The following LIMS2 variants were observed in gnomAD, a reference collection of about 807,000 sequenced individuals.
The protein encoded by LIMS2 is LIM zinc finger domain containing 2.
In LIMS2, 30 loss-of-function variants were observed where a neutral mutation model predicts 45.3. That is an observed-to-expected ratio of 0.66 (90% confidence interval 0.50 to 0.90). The LOEUF is 0.90. Ranked by LOEUF, LIMS2 falls within the 40% of genes least tolerant of loss-of-function variation. The pLI is 0.00. For synonymous variants in LIMS2, 173 were observed against 188.0 expected (o/e 0.92, Z 0.65); for missense variants, 485 against 468.7 (o/e 1.03, Z -0.32).
intron 1 of LIMS2, among the ~76,000 whole-genome samples, chr2:127,669,432 G>A (rs1265559453): frequency 2.0e-5 from 3 of 152,142 alleles, no homozygotes; most frequent in Non-Finnish European, 4.4e-5. Context: ...TTTGTAAATC[G>A]GCTGGGCACG....
intron 4 of LIMS2, 133 bp from the exon 5 acceptor site, chr2:127,643,205 T>C (rs1682612666): frequency 3.0e-6 from 3 of 990,712 alleles, no homozygotes; most frequent in Admixed American, 2.5e-5. Context: ...GCCCAGGGTA[T>C]GGGAAAGCAG....
At chr2:127,661,240 T>C (rs1160345759) in intron 1 of LIMS2, among the ~76,000 whole-genome samples, 1 of 152,262 alleles carries the variant, frequency 6.6e-6, no homozygotes, top group Non-Finnish European at 1.5e-5. Context: ...TGCTCGCTTC[T>C]GTAGGCCTCA....
Position 127,659,840 on chromosome 2 carries a change from G to C in LIMS2, c.12-2278C>G, listed in dbSNP as rs1573823642. 2.0e-5 allele frequency among the ~76,000 whole-genome samples: 3 copies of C among 152,204 alleles called. No homozygotes were observed. The East Asian group carries it at 5.8e-4, about 29-fold the overall frequency. On this transcript the variant is annotated intron_variant, in intron 1 of 9. Coordinates refer to ENST00000355119, the MANE Select transcript of LIMS2 (RefSeq NM_001161403.3). ...CTGTTCTCTGCCTCCAGGAACTGCTGTTTAGGGCCTGCACCCACACGCCTG... is the reference window on the plus strand; with the variant it reads ...CTGTTCTCTGCCTCCAGGAACTGCTCTTTAGGGCCTGCACCCACACGCCTG...
chr2:127,668,163 T>G (rs961205143), intron 1 of LIMS2, among the ~76,000 whole-genome samples: 3 of 152,150 alleles, frequency 2.0e-5, no homozygotes, highest in Non-Finnish European at 2.9e-5. Context: ...ATTATTGATA[T>G]AAATTAAAGA....
chr2:127,647,937 C>T lies in LIMS2; in HGVS notation c.360-4865G>A. The T allele has an allele frequency of 1.2e-6, 1 of 819,966 alleles. No homozygotes were observed. Among genetic ancestry groups the T allele is most frequent in the Non-Finnish European group, 1.5e-6 (1 of 678,554 alleles). 50.8% of individuals were successfully genotyped at this position (819,966 alleles called of 1,614,324 possible). A position where few individuals can be genotyped will look rare whatever the true frequency, so the allele number is the denominator to read the frequency against. On this transcript the variant is annotated intron_variant, in intron 4 of 9. Transcript: ENST00000355119. This position sits in a 1 kb window ranked among gnomAD's most constrained non-coding sequence, Gnocchi z 4.3. ...CACAGGCCCTGTCAAGGGCTGTGTTCCTCCCTCCTTTTACCTCTCCTCCAC... is the reference window on the plus strand; with the variant it reads ...CACAGGCCCTGTCAAGGGCTGTGTTTCTCCCTCCTTTTACCTCTCCTCCAC...
Position 127,667,947 on chromosome 2 carries a change from C to CA in LIMS2, c.11+7066dup, listed in dbSNP as rs1305805878. Among the ~76,000 whole-genome samples, 1 of 151,928 alleles carries CA rather than the reference C, an allele frequency of 6.6e-6. No homozygotes were observed. The highest frequency in any genetic ancestry group is 1.5e-5 in the Non-Finnish European group (1 of 67,980). Reference sequence around the variant, plus strand: ...TAGAAAACTCGGAAGAATCCCTCCTCAAAAAAAGAAACCCTATTTACAGAT... The same window carrying CA: ...TAGAAAACTCGGAAGAATCCCTCCTCAAAAAAAAGAAACCCTATTTACAGAT... On this transcript the variant is annotated intron_variant, in intron 1 of 9. Coordinates refer to ENST00000355119, the MANE Select transcript of LIMS2 (RefSeq NM_001161403.3). The surrounding 1 kb of genome is among the most constrained non-coding windows in gnomAD (Gnocchi z 4.1).
At chr2:127,668,670 A>G (rs1685133144) in intron 1 of LIMS2, among the ~76,000 whole-genome samples, 1 of 58,076 alleles carries the variant, frequency 1.7e-5, no homozygotes, top group African/African-American at 8.5e-5. Flanking sequence ...CTCCGTCTCA[A>G]AAAAAAAAAA....
intron 4 of LIMS2, chr2:127,648,125 C>T: frequency 1.0e-6 from 1 of 985,492 alleles, no homozygotes; most frequent in South Asian, 4.7e-5. Flanking sequence ...CAGACCAAGT[C>T]AGAGTACTGT....
At chr2:127,679,962 ATG>A (rs922801815), upstream of LIMS2, among the ~76,000 whole-genome samples, 38 of 152,302 alleles carry the variant, frequency 2.5e-4, no homozygotes, top group African/African-American at 8.9e-4. This position sits in a 1 kb window ranked among gnomAD's most constrained non-coding sequence, Gnocchi z 5.3. Context: ...GCCCCGTGTG[ATG>A]TGAGGCCACC....
At chr2:127,659,667 G>A (rs568508430) in intron 1 of LIMS2, among the ~76,000 whole-genome samples, 263 of 152,324 alleles carry the variant, frequency 1.7e-3, no homozygotes, top group Non-Finnish European at 2.8e-3. Context: ...CCATGGCTCT[G>A]GGCCTGGAAT....
intron 1 of LIMS2, among the ~76,000 whole-genome samples, chr2:127,660,857 C>T (rs1684594262): frequency 6.8e-6 from 1 of 146,406 alleles, no homozygotes; most frequent in Admixed American, 7.3e-5. Flanking sequence ...CGGCTGGTCC[C>T]TGAATGCATC....
At chr2:127,674,679 G>T in intron 1 of LIMS2, 1 of 985,434 alleles carries the variant, frequency 1.0e-6, no homozygotes, top group Non-Finnish European at 1.2e-6. Flanking sequence ...CGCAACCTTT[G>T]AACCTTTTGC....
At position 127,644,777 on chromosome 2, in the gene LIMS2, T is replaced by A. The variant is rs560893925; in HGVS notation, c.360-1705A>T. 9.2e-5 allele frequency among the ~76,000 whole-genome samples: 14 copies of A among 152,022 alleles called. No individual in the cohort carries two copies. The South Asian group carries it at 2.9e-3, about 32-fold the overall frequency. ...GAGCCCAGAAATGCCCTGCTCAGGG[T>A]GGTTAGCTTCAAGCCACCACCTTTC... On this transcript the variant is annotated intron_variant, in intron 4 of 9. Transcript: ENST00000355119.
At position 127,642,794 on chromosome 2, in the gene LIMS2, C is replaced by T; in HGVS notation, c.509+129G>A. On this transcript the variant is annotated intron_variant, in intron 5 of 9. Coordinates refer to ENST00000355119, the MANE Select transcript of LIMS2 (RefSeq NM_001161403.3). This position sits in a 1 kb window ranked among gnomAD's most constrained non-coding sequence, Gnocchi z 5.3. The stretch of plus-strand genomic sequence containing the variant: ...TGCCCTGCAGCCTTGCTCTCGGGAC[C>T]CCTCTGTCTGCCCACCCTGCTCCCC... 1 of 1,046,196 alleles carries T rather than the reference C, an allele frequency of 9.6e-7. No homozygotes were observed. The allele number at this position is 1,046,196 out of a possible 1,614,324, so 64.8% of individuals were successfully genotyped here. A position where few individuals can be genotyped will look rare whatever the true frequency, so the allele number is the denominator to read the frequency against.
intron 1 of LIMS2, among the ~76,000 whole-genome samples, chr2:127,666,755 A>G (rs10189694): frequency 0.055 from 8,330 of 152,314 alleles, 345 homozygotes; most frequent in African/African-American, 0.1. Context: ...TCGTGGCAGA[A>G]GGCAAAGGGG....
chr2:127,649,600 G>A (rs11680470), intron 4 of LIMS2, among the ~76,000 whole-genome samples: 53,040 of 152,204 alleles, frequency 0.35, 9,801 homozygotes, highest in Non-Finnish European at 0.41. Context: ...ACTGCCACTC[G>A]CAGGCCTGGG....
chr2:127,679,952 G>A (rs72846214), upstream of LIMS2, among the ~76,000 whole-genome samples: 2,166 of 152,316 alleles, frequency 0.014, 26 homozygotes, highest in Middle Eastern at 0.082. This position sits in a 1 kb window ranked among gnomAD's most constrained non-coding sequence, Gnocchi z 5.3. Context: ...TCCAAGAATG[G>A]CCCCGTGTGA....
In LIMS2 at chr2:127,672,345, G is replaced by A. The variant is rs140205035; in HGVS notation, c.11+2669C>T. On this transcript the variant is annotated intron_variant, in intron 1 of 9. Transcript: ENST00000355119. This position sits in a 1 kb window ranked among gnomAD's most constrained non-coding sequence, Gnocchi z 4.9. Reference sequence around the variant, plus strand: ...GAGGCCGAGCCCCCTCTCTTCCCACGGCGTGCCACCCCATGCTCTGGGCTG... The same window carrying A: ...GAGGCCGAGCCCCCTCTCTTCCCACAGCGTGCCACCCCATGCTCTGGGCTG... Among the ~76,000 whole-genome samples, 5 of 152,184 alleles carry A rather than the reference G, an allele frequency of 3.3e-5. No homozygotes were observed. The highest frequency in any genetic ancestry group is 4.8e-5 in the African/African-American group (2 of 41,522).
At chr2:127,654,615 G>C in intron 3 of LIMS2, 71 bp from the exon 4 acceptor site, 2 of 1,604,356 alleles carry the variant, frequency 1.2e-6, no homozygotes, top group Non-Finnish European at 8.5e-7. Context: ...CCCAAGCCCT[G>C]TCCACCTAGC....
Sources: allele counts gnomAD v4.1 joint callset (sites outside exome capture counted in the v4.1 genomes callset), GRCh38; gene constraint gnomAD v4.1.1; non-coding constraint Gnocchi (gnomAD v3.1); transcripts MANE v1.5; gene names NCBI Gene and HGNC (gene_info 2026-07-23, HGNC 2026-07-21).